Variants in ADAM18 observed in about 807,000 individuals in gnomAD.
ADAM18 encodes the protein disintegrin and metalloproteinase domain-containing protein 18.
Under a neutral mutation model 94.4 loss-of-function variants are expected in ADAM18, and 117 were observed. The ratio of observed to expected loss-of-function variants is 1.24; its 90% CI spans 1.07 to 1.45. ADAM18 has a LOEUF of 1.45. Among genes scored for constraint, ADAM18 ranks in the 40% most tolerant of loss-of-function variants. The pLI is 0.00. For synonymous variants in ADAM18, 327 were observed against 291.6 expected, an observed-to-expected ratio of 1.12 and a Z score of -1.24; for missense variants, 936 against 880.0, an observed-to-expected ratio of 1.06 and a Z score of -0.81.
At chr8:39,648,221 C>A in intron 11 of ADAM18, 123 bp from the exon 12 acceptor site, 1 of 603,398 alleles carries the variant, frequency 1.7e-6, no homozygotes, top group East Asian at 3.1e-5. Flanking sequence ...TTGGTTGAAT[C>A]TCTGCTAAAG....
chr8:39,589,444 G>C lies in ADAM18; in HGVS notation c.132+4092G>C, dbSNP rs149405409. On this transcript the variant is annotated intron_variant, in intron 2 of 19. Coordinates refer to ENST00000265707, the MANE Select transcript of ADAM18 (RefSeq NM_014237.3). ...TGCAGAGTATCTATTCCAAATGACT[G>C]TTGTTTATAGCTATTAATATAGAGA... 5.8e-3 allele frequency among the ~76,000 whole-genome samples: 886 copies of C among 152,104 alleles called. 6 individuals are homozygous for C. The highest frequency in any genetic ancestry group is 0.02 in the African/African-American group (840 of 41,490).
At chr8:39,632,149 T>C (rs980111653) in intron 7 of ADAM18, among the ~76,000 whole-genome samples, 6 of 151,994 alleles carry the variant, frequency 3.9e-5, no homozygotes, top group Non-Finnish European at 8.8e-5. Flanking sequence ...TTTTTCTTTA[T>C]CAATTTTTAC....
chr8:39,726,502 G>C (rs1822916341), intron 19 of ADAM18, among the ~76,000 whole-genome samples: 2 of 152,008 alleles, frequency 1.3e-5, no homozygotes, highest in South Asian at 4.2e-4. Context: ...CATTCTATAG[G>C]CTGCCTTTTT....
At chr8:39,596,929 A>AT (rs953117472) in intron 2 of ADAM18, among the ~76,000 whole-genome samples, 4 of 152,082 alleles carry the variant, frequency 2.6e-5, no homozygotes, top group East Asian at 3.9e-4. Flanking sequence ...ATAAGGATTA[A>AT]TTTTTTTAGA....
chr8:39,651,932 T>C (rs903807300), intron 12 of ADAM18, among the ~76,000 whole-genome samples: 11 of 150,616 alleles, frequency 7.3e-5, no homozygotes, highest in African/African-American at 2.7e-4. Flanking sequence ...AGCCCAAAAA[T>C]AAATGGACAC....
chr8:39,728,516 TATC>T (rs777832064), intron 19 of ADAM18, among the ~76,000 whole-genome samples: 1 of 152,142 alleles, frequency 6.6e-6, no homozygotes, highest in Non-Finnish European at 1.5e-5. Flanking sequence ...TATTAATTAT[TATC>T]AATTATCATG....
chr8:39,634,546 T>C (rs1166778857), intron 7 of ADAM18, among the ~76,000 whole-genome samples: 2 of 152,204 alleles, frequency 1.3e-5, no homozygotes, highest in African/African-American at 4.8e-5. Context: ...GGGTGGGTCA[T>C]GGAGTCAAAG....
chr8:39,694,963 A>C (rs1283117057), intron 17 of ADAM18, among the ~76,000 whole-genome samples: 3 of 151,478 alleles, frequency 2.0e-5, no homozygotes, highest in Non-Finnish European at 4.4e-5. Flanking sequence ...TTAGCCCTTC[A>C]TCCTTTTCCA....
intron 3 of ADAM18, among the ~76,000 whole-genome samples, chr8:39,608,421 T>C (rs1428549020): frequency 3.9e-5 from 6 of 151,902 alleles, no homozygotes; most frequent in Admixed American, 2.6e-4. Context: ...TCTCTTACTA[T>C]AGTCTGTCTT....
At chr8:39,713,768 A>G (rs1375745427) in intron 18 of ADAM18, among the ~76,000 whole-genome samples, 3 of 146,400 alleles carry the variant, frequency 2.0e-5, no homozygotes, top group African/African-American at 2.8e-5. Context: ...TTAGAATGGC[A>G]ATCATTAAAA....
rs1213204139 is a variant in ADAM18 at position 39,638,561 on chromosome 8, T to G, written c.909+15T>G. 6.7e-7 allele frequency: 1 copy of G among 1,482,988 alleles called. No individual in the cohort carries two copies. Among genetic ancestry groups the G allele is most frequent in the South Asian group, 1.4e-5 (1 of 70,830 alleles). The allele number at this position is 1,482,988 out of a possible 1,614,324, so 91.9% of individuals were successfully genotyped here. Reference sequence around the variant, plus strand: ...GTATTGCTATGGTATGTAATTTTTATTCTTCTTTACATCACTATTTTTAGG... The same window carrying G: ...GTATTGCTATGGTATGTAATTTTTAGTCTTCTTTACATCACTATTTTTAGG... On this transcript the variant is annotated intron_variant, in intron 10 of 19. Transcript: ENST00000265707.
At chr8:39,679,665 G>T (rs906337633) in intron 15 of ADAM18, among the ~76,000 whole-genome samples, 1 of 152,160 alleles carries the variant, frequency 6.6e-6, no homozygotes, top group African/African-American at 2.4e-5. Context: ...AATGCAATTA[G>T]CCACTCTCAG....
chr8:39,697,110 A>T (rs576860432), intron 17 of ADAM18, among the ~76,000 whole-genome samples: 18 of 151,520 alleles, frequency 1.2e-4, no homozygotes, highest in Non-Finnish European at 2.5e-4. Context: ...GTAGTATTCT[A>T]TTCTTTCTAA....
At chr8:39,646,676 A>G (rs2129579547) in intron 11 of ADAM18, among the ~76,000 whole-genome samples, 1 of 152,290 alleles carries the variant, frequency 6.6e-6, no homozygotes, top group Admixed American at 6.5e-5. Context: ...AATATCACAT[A>G]CAGTATATTT....
chr8:39,589,051 C>T (rs986404234), intron 2 of ADAM18, among the ~76,000 whole-genome samples: 2 of 152,158 alleles, frequency 1.3e-5, no homozygotes, highest in East Asian at 3.8e-4. Context: ...TTCAATCTTT[C>T]TGTTTTTTTG....
intron 11 of ADAM18, 146 bp downstream of exon 11, chr8:39,645,620 G>C (rs2129579519): frequency 1.3e-6 from 1 of 749,438 alleles, no homozygotes; most frequent in East Asian, 2.7e-5. Context: ...CAAAAATTAT[G>C]TATACTTAGG....
intron 18 of ADAM18, among the ~76,000 whole-genome samples, chr8:39,718,874 T>G (rs1822660030): frequency 6.6e-6 from 1 of 151,084 alleles, no homozygotes; most frequent in African/African-American, 2.4e-5. Context: ...CATGCAATTT[T>G]CATAGATCAA....
At chr8:39,697,868 A>C (rs765611291) in intron 17 of ADAM18, among the ~76,000 whole-genome samples, 4 of 151,712 alleles carry the variant, frequency 2.6e-5, no homozygotes, top group Non-Finnish European at 4.4e-5. Context: ...CCTGCTTTTA[A>C]TGTTTTCTTT....
At chr8:39,696,467 T>C (rs1367363901) in intron 17 of ADAM18, among the ~76,000 whole-genome samples, 1 of 151,568 alleles carries the variant, frequency 6.6e-6, no homozygotes, top group East Asian at 1.9e-4. Context: ...ATGAAGCTTT[T>C]CCCTTATGTT....
Sources: gnomAD v4.1 joint callset for allele counts (sites outside exome capture counted in the v4.1 genomes callset) on GRCh38, gnomAD v4.1.1 for gene constraint, MANE v1.5 for transcripts, NCBI Gene and HGNC (gene_info 2026-07-23, HGNC 2026-07-21) for gene names.